The following DOHH variants were observed in gnomAD, a reference collection of about 807,000 sequenced individuals.
DOHH encodes the protein HEAT-like (PBS lyase) repeat containing 1.
In DOHH, 16 loss-of-function variants were observed where a neutral mutation model predicts 19.9. The observed-to-expected ratio is 0.80, with a 90% CI of 0.54 to 1.22. The LOEUF is 1.22. DOHH is among the 50% of genes most tolerant of loss of function. DOHH has a pLI of 0.00. For missense variants in DOHH, 460 were observed against 460.6 expected (o/e 1.00, Z 0.01); for synonymous variants, 233 against 217.0 (o/e 1.07, Z -0.65).
chr19:3,493,515 CAGG>C (rs1328217259), intron 3 of DOHH, among the ~76,000 whole-genome samples: 15 of 151,396 alleles, frequency 9.9e-5, no homozygotes, highest in Admixed American at 9.9e-4. Flanking sequence ...GAGGCTGAGG[CAGG>C]AGAATAGCAT....
At chr19:3,492,974 C>T (rs961590571) in intron 3 of DOHH, among the ~76,000 whole-genome samples, 2 of 152,158 alleles carry the variant, frequency 1.3e-5, no homozygotes, top group African/African-American at 4.8e-5. Flanking sequence ...CCGGCTGCCC[C>T]GGAGGAGGAG....
chr19:3,494,914 A>G (rs73523875), intron 2 of DOHH, among the ~76,000 whole-genome samples: 12,184 of 152,160 alleles, frequency 0.08, 1,702 homozygotes, highest in African/African-American at 0.28. Context: ...CCAGTGGCAC[A>G]GACGCACCAA....
Position 3,491,816 on chromosome 19 carries a change from AGGG to A in DOHH, c.590-8_590-6del. ...GGGCGCTCCCACAGTGCAGACCTGC[AGGG>A]GAGAGGGACACTCGCTGGGGCCAGG... On this transcript the variant is annotated splice_region_variant and splice_polypyrimidine_tract_variant and intron_variant, in intron 4 of 4. Coordinates refer to ENST00000427575, the MANE Select transcript of DOHH (RefSeq NM_001145165.2). The surrounding 1 kb of genome is among the most constrained non-coding windows in gnomAD (Gnocchi z 5.6). 1 of 1,458,132 alleles carries A rather than the reference AGGG, an allele frequency of 6.9e-7. No homozygotes were observed. 90.3% of individuals were successfully genotyped at this position (1,458,132 alleles called of 1,614,324 possible).
At chr19:3,500,289 A>G (rs73525960) in intron 1 of DOHH, among the ~76,000 whole-genome samples, 12,304 of 152,212 alleles carry the variant, frequency 0.081, 1,738 homozygotes, top group African/African-American at 0.28. Context: ...AGGGGTCATC[A>G]GAAACCAGAG....
intron 2 of DOHH, among the ~76,000 whole-genome samples, chr19:3,494,829 G>A (rs567667634): frequency 6.6e-6 from 1 of 152,320 alleles, no homozygotes; most frequent in South Asian, 2.1e-4. Context: ...TCCCGTATGC[G>A]CCAACACAGG....
In DOHH at chr19:3,491,321, A is replaced by C. The variant is rs993202311; in HGVS notation, c.*171T>G. On this transcript the variant is annotated 3_prime_UTR_variant, in exon 5 of 5. Transcript: ENST00000427575. The surrounding 1 kb of genome is among the most constrained non-coding windows in gnomAD (Gnocchi z 5.6). ...GCAGTCAGGGGACTCAGGGAGTCAC[A>C]GCACAACGGCAGCTCCTCGGTCCCA... 4 of 700,590 alleles carry C rather than the reference A, an allele frequency of 5.7e-6. No individual in the cohort carries two copies. Among genetic ancestry groups the C allele is most frequent in the Admixed American group, 6.0e-5 (2 of 33,060 alleles). 43.4% of individuals were successfully genotyped at this position (700,590 alleles called of 1,614,324 possible).
At chr19:3,500,369 G>GCC in intron 1 of DOHH, among the ~76,000 whole-genome samples, 192 bp downstream of exon 1, 1 of 152,330 alleles carries the variant, frequency 6.6e-6, no homozygotes, top group East Asian at 1.9e-4. Flanking sequence ...AGGAGCTTCA[G>GCC]GACGTGAGGT....
intron 1 of DOHH, among the ~76,000 whole-genome samples, chr19:3,498,916 T>A (rs1353810436): frequency 6.6e-6 from 1 of 152,198 alleles, no homozygotes; most frequent in African/African-American, 2.4e-5. Flanking sequence ...CAAAGGAAAG[T>A]CTTCAGGATT....
intron 4 of DOHH, 95 bp downstream of exon 4, chr19:3,492,167 C>T (rs1278540617): frequency 6.8e-6 from 8 of 1,183,848 alleles, no homozygotes; most frequent in Non-Finnish European, 7.8e-6. Flanking sequence ...GGATGCCGTT[C>T]CCGGGGGCAG....
chr19:3,492,225 C>A, intron 4 of DOHH, 37 bp downstream of exon 4: 1 of 1,420,198 alleles, frequency 7.0e-7, no homozygotes, highest in African/African-American at 1.5e-5. Flanking sequence ...CACAGCGAGG[C>A]ACTGCCCAGG....
In DOHH at chr19:3,492,371, G is replaced by T; in HGVS notation, c.480C>A (p.Arg160=). ...ACTCATCCAGCAGCGCCTCCCGCAG[G>T]CGCCCCACGTCACGCTCCTCAGCCG... is the stretch of plus-strand genomic sequence containing the variant. The part of the protein sequence containing the change: ...APPAEERDVG[R]LREALLDESR... The change falls in exon 4 of 5, where the codon CGC becomes CGA. Residue 160 remains arginine, a synonymous_variant. Transcript: ENST00000427575. The T allele has an allele frequency of 6.5e-7, 1 of 1,540,172 alleles. No homozygotes were observed. Among genetic ancestry groups the T allele is most frequent in the Non-Finnish European group, 8.7e-7 (1 of 1,150,260 alleles).
In DOHH at chr19:3,496,740, G is replaced by C; in HGVS notation, c.75C>G (p.Phe25Leu). 6.2e-7 allele frequency: 1 copy of C among 1,612,038 alleles called. No homozygotes were observed. Among genetic ancestry groups the C allele is most frequent in the Non-Finnish European group, 8.5e-7 (1 of 1,179,648 alleles). The change falls in exon 2 of 5, where the codon TTC (phenylalanine) becomes TTG (leucine). Residue 25 changes from phenylalanine to leucine, a missense_variant. By Grantham distance (22) the Phe-to-Leu change is conservative. Transcript: ENST00000427575. The surrounding 1 kb of genome is among the most constrained non-coding windows in gnomAD (Gnocchi z 4.8). ...VDPKQPLQAR[F>L]RALFTLRGLG... ...GCCCACGCAGCGTGAACAGCGCCCG[G>C]AAGCGGGCCTGCAGGGGCTGCTTGG...
rs2082867716 is a variant in DOHH at position 3,491,349 on chromosome 19, C to T, written c.*143G>A. 4 of 882,916 alleles carry T rather than the reference C, an allele frequency of 4.5e-6. No individual in the cohort carries two copies. Among genetic ancestry groups the T allele is most frequent in the African/African-American group, 1.7e-5 (1 of 57,716 alleles). 54.7% of individuals were successfully genotyped at this position (882,916 alleles called of 1,614,324 possible). Reference sequence around the variant, plus strand: ...ACAACGGCAGCTCCTCGGTCCCAGACGGAGGAGGGGGACAGCAACCATGCG... The same window carrying T: ...ACAACGGCAGCTCCTCGGTCCCAGATGGAGGAGGGGGACAGCAACCATGCG... On this transcript the variant is annotated 3_prime_UTR_variant, in exon 5 of 5. Transcript: ENST00000427575. The surrounding 1 kb of genome is among the most constrained non-coding windows in gnomAD (Gnocchi z 5.6).
rs2082878355 is a variant in DOHH, at chr19:3,492,496, C to T, written c.355G>A (p.Ala119Thr). The T allele has an allele frequency of 7.2e-7, 1 of 1,379,504 alleles. No homozygotes were observed. Among genetic ancestry groups the T allele is most frequent in the Non-Finnish European group, 9.3e-7 (1 of 1,073,178 alleles). 85.5% of individuals were successfully genotyped at this position (1,379,504 alleles called of 1,614,324 possible). ...CGCACGGCCAGCTGGCAGGTCTCGG[C>T]CACCTGCGGGGAGGGGGTATCAGGC... The part of the protein sequence containing the change: ...QYSSDPVIEV[A>T]ETCQLAVRRL... The change falls in exon 4 of 5, where the codon GCC (alanine) becomes ACC (threonine). Residue 119 changes from alanine to threonine, a missense_variant. Coordinates refer to ENST00000427575, the MANE Select transcript of DOHH (RefSeq NM_001145165.2).
At chr19:3,497,871 T>C (rs954603608) in intron 1 of DOHH, among the ~76,000 whole-genome samples, 1 of 152,058 alleles carries the variant, frequency 6.6e-6, no homozygotes, top group Non-Finnish European at 1.5e-5. Flanking sequence ...GCTCAAGTGA[T>C]CATCCTGCCT....
chr19:3,494,192 C>T (rs2082891370), intron 2 of DOHH, 88 bp from the exon 3 acceptor site: 6 of 1,203,442 alleles, frequency 5.0e-6, no homozygotes, highest in South Asian at 4.1e-5. Flanking sequence ...GACACCCCTC[C>T]CAGGGCTCTG....
At chr19:3,492,224 G>C in intron 4 of DOHH, 38 bp downstream of exon 4, 1 of 1,418,214 alleles carries the variant, frequency 7.1e-7, no homozygotes, top group Non-Finnish European at 9.2e-7. Flanking sequence ...TCACAGCGAG[G>C]CACTGCCCAG....
chr19:3,497,486 A>T (rs2082917445), intron 1 of DOHH, among the ~76,000 whole-genome samples: 1 of 152,192 alleles, frequency 6.6e-6, no homozygotes, highest in East Asian at 1.9e-4. Context: ...GTCCAGCCCC[A>T]AGCGAACCTT....
rs1568222570 is a variant in DOHH, at chr19:3,496,617, C to A, written c.198G>T (p.Gln66His). The change falls in exon 2 of 5, where the codon CAG becomes CAT. Residue 66 changes from glutamine (Q) to histidine (H), a missense_variant. Transcript: ENST00000427575. The surrounding 1 kb of genome is among the most constrained non-coding windows in gnomAD (Gnocchi z 4.8). Reference sequence around the variant, plus strand: ...CCAGCATGGGGATGGCGCGGGCATCCTGCATCTGGCCCAGGCAGTAGGCCA... The same window carrying A: ...CCAGCATGGGGATGGCGCGGGCATCATGCATCTGGCCCAGGCAGTAGGCCA... ...HELAYCLGQM[Q>H]DARAIPMLVD... 6.2e-7 allele frequency: 1 copy of A among 1,614,058 alleles called. No individual in the cohort carries two copies. Among genetic ancestry groups the A allele is most frequent in the Non-Finnish European group, 8.5e-7 (1 of 1,180,040 alleles).
Sources: gnomAD v4.1 joint callset for allele counts (sites outside exome capture counted in the v4.1 genomes callset) on GRCh38, gnomAD v4.1.1 for gene constraint, Gnocchi (gnomAD v3.1) non-coding constraint, MANE v1.5 for transcripts, NCBI Gene and HGNC (gene_info 2026-07-23, HGNC 2026-07-21) for gene names.